DMD: variants seen among roughly 807,000 people sequenced by gnomAD.
The protein encoded by DMD is dystrophin.
In DMD, 63 loss-of-function variants were observed where a neutral mutation model predicts 330.1. The ratio of observed to expected loss-of-function variants is 0.19; its 90% CI spans 0.16 to 0.24. The LOEUF is 0.24. DMD is among the 10% of genes least tolerant of loss of function. The probability of loss-of-function intolerance (pLI) is 1.00; values close to 1 mark genes in which losing one functional copy is unlikely to be tolerated. For synonymous variants in DMD, 1,223 were observed against 959.8 expected, an observed-to-expected ratio of 1.27 and a Z score of -5.07; for missense variants, 3,344 against 2,684.1, an observed-to-expected ratio of 1.25 and a Z score of -5.43.
At chrX:31,670,760 T>C (rs1277082305) in intron 53 of DMD, among the ~76,000 whole-genome samples, 3 of 111,948 alleles carry the variant, frequency 2.7e-5, no homozygotes, top group East Asian at 5.6e-4. Context: ...TCTCTGTGTA[T>C]GCCTCTTTTC....
intron 6 of DMD, among the ~76,000 whole-genome samples, chrX:32,813,804 C>A (rs947664461): frequency 2.7e-5 from 3 of 111,250 alleles, no homozygotes; most frequent in Non-Finnish European, 5.7e-5. Context: ...AAGTTCCTTT[C>A]TAAACTTGGT....
In DMD at chrX:32,518,018, T is replaced by A. The variant is rs1254448592; in HGVS notation, c.2282A>T (p.Glu761Val). Residue 761 changes from glutamate (E) to valine (V), a missense_variant, in exon 18 of 79, where the codon GAA (glutamate) becomes GTA (valine). Transcript: ENST00000357033. ...RKEGNFSDLK[E>V]KVNAIEREKA... ...TAATGCATAACCTACATTGACTTTTTCTTTTAAGTCTGAGAAGTTGCCTTC... is the reference window on the plus strand; with the variant it reads ...TAATGCATAACCTACATTGACTTTTACTTTTAAGTCTGAGAAGTTGCCTTC... 2.5e-6 allele frequency: 3 copies of A among 1,209,286 alleles called. No individual in the cohort carries two copies. The Admixed American group carries it at 6.6e-5, about 26-fold the overall frequency.
chrX:33,267,504 A>C (rs1471804812), intron 1 of DMD, among the ~76,000 whole-genome samples: 1 of 89,174 alleles, frequency 1.1e-5, no homozygotes, highest in Non-Finnish European at 2.4e-5. Context: ...AAACAATTCT[A>C]AAATTCATAT....
intron 7 of DMD, among the ~76,000 whole-genome samples, chrX:32,736,725 A>G (rs1360289868): frequency 3.2e-5 from 3 of 93,194 alleles, no homozygotes; most frequent in African/African-American, 1.2e-4. Context: ...ATGAGAACAC[A>G]TGGACACAGG....
At chrX:32,005,345 C>A (rs769926087) in intron 44 of DMD, among the ~76,000 whole-genome samples, 2 of 111,164 alleles carry the variant, frequency 1.8e-5, no homozygotes, top group Admixed American at 1.9e-4. Flanking sequence ...CTGAATTTCC[C>A]CCTTGAGCCC....
At chrX:32,572,518 G>T (rs1402912712) in intron 15 of DMD, among the ~76,000 whole-genome samples, 1 of 104,977 alleles carries the variant, frequency 9.5e-6, no homozygotes, top group East Asian at 2.9e-4. Context: ...TACTAGAAAT[G>T]ATAAAATTCA....
intron 44 of DMD, among the ~76,000 whole-genome samples, chrX:32,172,835 A>G (rs2096892635): frequency 9.0e-6 from 1 of 111,720 alleles, no homozygotes; most frequent in African/African-American, 3.3e-5. Context: ...ATTTTTAATG[A>G]GTTTGCACTG....
rs773939250 is a variant in DMD at position 31,289,251 on chromosome X, C to CAAAAAAAAAAAAAAAAAAAAAA, written c.9225-28236_9225-28235insTTTTTTTTTTTTTTTTTTTTTT. Among the ~76,000 whole-genome samples the CAAAAAAAAAAAAAAAAAAAAAA allele has an allele frequency of 7.2e-4, 17 of 23,577 alleles. 3 individuals are homozygous for CAAAAAAAAAAAAAAAAAAAAAA. Among genetic ancestry groups the CAAAAAAAAAAAAAAAAAAAAAA allele is most frequent in the Non-Finnish European group, 1.3e-3 (16 of 12,682 alleles). The allele number at this position is 23,577 out of a possible 115,157, so 20.5% of individuals were successfully genotyped here. A position where few individuals can be genotyped will look rare whatever the true frequency, so the allele number is the denominator to read the frequency against. On this transcript the variant is annotated intron_variant, in intron 62 of 78. Transcript: ENST00000357033. ...CTGCACTCCAGCCTGGGTGACAGAG[C>CAAAAAAAAAAAAAAAAAAAAAA]AAAAAAAAAAAAAATAAAAAATAAA...
chrX:32,889,484 G>A (rs1278843939), intron 2 of DMD, among the ~76,000 whole-genome samples: 1 of 110,577 alleles, frequency 9.0e-6, no homozygotes, highest in Non-Finnish European at 1.9e-5. Flanking sequence ...TCTGAGCTAA[G>A]CCATCATATC....
intron 7 of DMD, among the ~76,000 whole-genome samples, chrX:32,765,089 C>T (rs1186745431): frequency 1.8e-5 from 2 of 110,006 alleles, no homozygotes; most frequent in Non-Finnish European, 3.8e-5. Context: ...TCTTACTGGC[C>T]AAACTTTAGA....
chrX:32,200,946 G>A (rs188478023), intron 44 of DMD, among the ~76,000 whole-genome samples: 2 of 111,308 alleles, frequency 1.8e-5, no homozygotes, highest in South Asian at 3.8e-4. Flanking sequence ...GAGGCACCAC[G>A]TCTCACTCCT....
At chrX:32,364,790 T>A in intron 35 of DMD, 80 bp from the exon 36 acceptor site, 1 of 1,072,059 alleles carries the variant, frequency 9.3e-7, no homozygotes, top group South Asian at 2.0e-5. Context: ...CTAAAATGTT[T>A]AAAAGACAAC....
chrX:32,345,832 G>T, intron 39 of DMD, 111 bp downstream of exon 39: 1 of 760,936 alleles, frequency 1.3e-6, no homozygotes, highest in East Asian at 3.7e-5. Flanking sequence ...CAGAAAAAGT[G>T]AGTTTCTGAT....
chrX:32,355,354 C>T (rs1403079311), intron 37 of DMD, among the ~76,000 whole-genome samples: 1 of 111,166 alleles, frequency 9.0e-6, no homozygotes, highest in Non-Finnish European at 1.9e-5. Flanking sequence ...CTCACTGACA[C>T]TCTCACAACC....
intron 59 of DMD, among the ~76,000 whole-genome samples, chrX:31,475,756 T>C (rs1386632246): frequency 1.8e-5 from 2 of 112,176 alleles, no homozygotes; most frequent in African/African-American, 6.5e-5. Flanking sequence ...GAAGGGATTT[T>C]ACAAGTATTA....
At chrX:32,316,190 A>G (rs754340273) in intron 41 of DMD, among the ~76,000 whole-genome samples, 16 of 111,589 alleles carry the variant, frequency 1.4e-4, no homozygotes, top group Non-Finnish European at 2.8e-4. Context: ...CATTTTCTAG[A>G]ACACTTAGAA....
intron 1 of DMD, among the ~76,000 whole-genome samples, chrX:33,270,763 A>G (rs7887805): frequency 0.024 from 2,703 of 112,144 alleles, 77 homozygotes; most frequent in African/African-American, 0.083. Context: ...TAGTATATAA[A>G]CAAAAACAAT....
At chrX:32,735,347 A>G (rs1008531428) in intron 7 of DMD, among the ~76,000 whole-genome samples, 13 of 110,715 alleles carry the variant, frequency 1.2e-4, no homozygotes, top group Admixed American at 4.8e-4. Context: ...TGCCCAAGGT[A>G]ATTTACAGAT....
intron 55 of DMD, among the ~76,000 whole-genome samples, chrX:31,577,898 T>C (rs1243868331): frequency 9.0e-6 from 1 of 111,711 alleles, no homozygotes; most frequent in African/African-American, 3.3e-5. Flanking sequence ...ATGTTATCAT[T>C]TTATTTGTAA....
Sources: allele counts gnomAD v4.1 joint callset (sites outside exome capture counted in the v4.1 genomes callset), GRCh38; gene constraint gnomAD v4.1.1; transcripts MANE v1.5; gene names NCBI Gene and HGNC (gene_info 2026-07-23, HGNC 2026-07-21).